LYRM4: variants seen among roughly 807,000 people sequenced by gnomAD.
LYRM4 encodes the protein LYR motif-containing protein 4.
LYRM4 carries 9 observed loss-of-function variants against 11.7 expected under a neutral mutation model. The ratio of observed to expected loss-of-function variants is 0.77; its 90% confidence interval spans 0.46 to 1.34. LYRM4 has a LOEUF of 1.34. LYRM4 is among the 40% of genes most tolerant of loss of function. The pLI, the probability that LYRM4 is intolerant of heterozygous loss-of-function variation, is 0.00. For missense variants in LYRM4, 133 were observed against 112.5 expected (o/e 1.18, Z -0.82); for synonymous variants, 42 against 40.4 (o/e 1.04, Z -0.15).
chr6:5,140,338 T>C (rs1055822483), intron 2 of LYRM4, among the ~76,000 whole-genome samples: 8 of 152,190 alleles, frequency 5.3e-5, no homozygotes, highest in Non-Finnish European at 1.2e-4. Flanking sequence ...TAAACTTGGT[T>C]AAATTTACTT....
intron 2 of LYRM4, among the ~76,000 whole-genome samples, chr6:5,215,798 C>T (rs988047557): frequency 1.3e-5 from 2 of 152,186 alleles, no homozygotes; most frequent in African/African-American, 4.8e-5. Context: ...CCCCTCCACA[C>T]TTTATAAGCA....
intron 1 of LYRM4, among the ~76,000 whole-genome samples, chr6:5,252,540 T>C (rs1165052351): frequency 2.0e-5 from 3 of 152,228 alleles, no homozygotes; most frequent in Admixed American, 1.3e-4. Context: ...TTCCATCGCA[T>C]GTCCACCTCT....
chr6:5,094,360 C>T, the LYRM4 span, among the ~76,000 whole-genome samples: 1 of 152,206 alleles, frequency 6.6e-6, no homozygotes, highest in East Asian at 1.9e-4. Flanking sequence ...GGCACACACC[C>T]GTAGTCCAAG....
chr6:5,207,412 A>C (rs1581506644), intron 2 of LYRM4, among the ~76,000 whole-genome samples: 1 of 152,238 alleles, frequency 6.6e-6, no homozygotes, highest in South Asian at 2.1e-4. Context: ...ACCTCCCTGC[A>C]CCACAGAGGG....
At position 5,258,591 on chromosome 6, in the gene LYRM4, A is replaced by C. The variant is rs184025675; in HGVS notation, c.86+2057T>G. Among the ~76,000 whole-genome samples the C allele has an allele frequency of 2.3e-4, 35 of 152,370 alleles. No individual in the cohort carries two copies. In the East Asian group the frequency reaches 6.5e-3, roughly 29 times the overall value. ...ACTTTTCCTGAAATTCACAAGACAC[A>C]GCCTTAATGTAAAAGGACGTATTTT... On this transcript the variant is annotated intron_variant, in intron 1 of 2. Transcript: ENST00000330636.
intron 2 of LYRM4, among the ~76,000 whole-genome samples, chr6:5,150,233 C>A (rs1758013166): frequency 6.6e-6 from 1 of 152,224 alleles, no homozygotes; most frequent in Non-Finnish European, 1.5e-5. Context: ...ACATTCTGGA[C>A]CTTTATTCTC....
chr6:5,139,579 A>C (rs1301431663), intron 2 of LYRM4, among the ~76,000 whole-genome samples: 2 of 152,196 alleles, frequency 1.3e-5, no homozygotes, highest in African/African-American at 4.8e-5. Context: ...CATATTTTAA[A>C]GGTTTCTGTG....
chr6:5,133,682 T>C (rs127125), intron 2 of LYRM4, among the ~76,000 whole-genome samples: 92,065 of 151,620 alleles, frequency 0.61, 28,399 homozygotes, highest in East Asian at 0.81. Context: ...AGTACCTTCA[T>C]AACTGTACAA....
chr6:5,071,588 GTGTATGTGTGTGTA>G, the LYRM4 span, among the ~76,000 whole-genome samples: 1 of 151,360 alleles, frequency 6.6e-6, no homozygotes, highest in Non-Finnish European at 1.5e-5. Context: ...ATATGTGTAT[GTGTATGTGTGTGTA>G]TGTATGTGTG....
intron 2 of LYRM4, among the ~76,000 whole-genome samples, chr6:5,141,933 T>G (rs1325226490): frequency 5.3e-5 from 8 of 152,170 alleles, no homozygotes; most frequent in African/African-American, 1.9e-4. Context: ...GAAGCAGAGC[T>G]GACCCACAAA....
At chr6:5,155,005 A>G (rs1399576715) in intron 2 of LYRM4, among the ~76,000 whole-genome samples, 1 of 152,152 alleles carries the variant, frequency 6.6e-6, no homozygotes, top group Admixed American at 6.5e-5. Context: ...ACGGAGCAAG[A>G]GTGACACAGA....
At chr6:5,223,957 ACT>A (rs1762734317) in intron 1 of LYRM4, among the ~76,000 whole-genome samples, 1 of 152,124 alleles carries the variant, frequency 6.6e-6, no homozygotes, top group South Asian at 2.1e-4. Context: ...GGCCTACAGG[ACT>A]CTCTGGATTC....
At chr6:5,166,887 T>C (rs959153060) in intron 2 of LYRM4, among the ~76,000 whole-genome samples, 2 of 152,228 alleles carry the variant, frequency 1.3e-5, no homozygotes, top group Non-Finnish European at 2.9e-5. Flanking sequence ...ACAACACGTA[T>C]ATACACCTGA....
chr6:5,231,254 G>C (rs1763225202), intron 1 of LYRM4, among the ~76,000 whole-genome samples: 2 of 152,090 alleles, frequency 1.3e-5, no homozygotes, highest in Admixed American at 6.6e-5. Context: ...AACATTTCAG[G>C]TGTACAGTAA....
chr6:5,197,772 A>G (rs1303549112), intron 2 of LYRM4, among the ~76,000 whole-genome samples: 1 of 152,358 alleles, frequency 6.6e-6, no homozygotes, highest in African/African-American at 2.4e-5. Context: ...TATTTCAAAT[A>G]GATAACCTAA....
At chr6:5,224,975 G>A (rs1461315989) in intron 1 of LYRM4, among the ~76,000 whole-genome samples, 3 of 144,726 alleles carry the variant, frequency 2.1e-5, no homozygotes, top group Non-Finnish European at 4.5e-5. Context: ...TAGGCTGGGC[G>A]CCATGGCTCA....
chr6:5,120,492 T>C (rs2127601823), intron 2 of LYRM4, among the ~76,000 whole-genome samples: 1 of 152,286 alleles, frequency 6.6e-6, no homozygotes, highest in South Asian at 2.1e-4. Flanking sequence ...ACCCAAAAAG[T>C]GAGCAGCAGC....
the LYRM4 span, among the ~76,000 whole-genome samples, chr6:5,090,355 A>C: frequency 6.6e-6 from 1 of 152,170 alleles, no homozygotes; most frequent in Non-Finnish European, 1.5e-5. The surrounding 1 kb of genome is among the most constrained non-coding windows in gnomAD (Gnocchi z 4.8). Context: ...GTATGAAACA[A>C]TATTCTCCCC....
chr6:5,216,551 A>C lies in LYRM4; in HGVS notation c.207+67T>G. 2.5e-6 allele frequency: 4 copies of C among 1,589,564 alleles called. No homozygotes were observed. In the South Asian group the frequency reaches 4.5e-5, roughly 18 times the overall value. On this transcript the variant is annotated intron_variant, in intron 2 of 2. Transcript: ENST00000330636. ...ACCAACACCAAAAGCACGGCTGTCT[A>C]ATCAAGGGGAATATGTCGAAGTTTA...
Sources: allele counts gnomAD v4.1 joint callset (sites outside exome capture counted in the v4.1 genomes callset), GRCh38; gene constraint gnomAD v4.1.1; non-coding constraint Gnocchi (gnomAD v3.1); transcripts MANE v1.5; gene names NCBI Gene and HGNC (gene_info 2026-07-23, HGNC 2026-07-21).